CFTR: variants seen among roughly 807,000 people sequenced by gnomAD.
CFTR encodes cystic fibrosis transmembrane conductance regulator.
Under a neutral mutation model 171.6 loss-of-function variants are expected in CFTR, and 181 were observed. The ratio of observed to expected loss-of-function variants is 1.05; its 90% confidence interval spans 0.93 to 1.19. The LOEUF (loss-of-function observed/expected upper bound fraction) is 1.19, where lower values mean the gene tolerates loss of function less well. CFTR is among the 50% of genes most tolerant of loss of function. The pLI, the probability that CFTR is intolerant of heterozygous loss-of-function variation, is 0.00. For synonymous variants in CFTR, 583 were observed against 608.0 expected, an observed-to-expected ratio of 0.96 and a Z score of 0.60; for missense variants, 1,968 against 1,734.7, an observed-to-expected ratio of 1.13 and a Z score of -2.39.
At chr7:117,590,467 AT>A in intron 13 of CFTR, 28 bp downstream of exon 13, 1 of 1,588,466 alleles carries the variant, frequency 6.3e-7, no homozygotes, top group Non-Finnish European at 8.6e-7. Flanking sequence ...CTTACTTATA[AT>A]GCTCATGCTA....
At chr7:117,633,312 T>C (rs2116143435) in intron 22 of CFTR, among the ~76,000 whole-genome samples, 1 of 152,318 alleles carries the variant, frequency 6.6e-6, no homozygotes, top group South Asian at 2.1e-4. Context: ...TTCCAATTTT[T>C]CATTGCTGTT....
rs764945997 is a variant in CFTR at position 117,535,525 on chromosome 7, A to ATTT, written c.743+134_743+136dup. 4.2e-3 allele frequency: 2,088 copies of ATTT among 498,172 alleles called. 25 individuals are homozygous for ATTT. The highest frequency in any genetic ancestry group is 0.027 in the African/African-American group (1,075 of 40,008). 30.9% of individuals were successfully genotyped at this position (498,172 alleles called of 1,614,324 possible). On this transcript the variant is annotated intron_variant, in intron 6 of 26. Transcript: ENST00000003084. ...GAACAGTGATCTTCAGTGTCATTAA[A>ATTT]TTTTTTTTTTTTTTTTTTTTTTGAG...
chr7:117,586,849 C>T (rs1034139532), intron 11 of CFTR, among the ~76,000 whole-genome samples: 5 of 151,810 alleles, frequency 3.3e-5, no homozygotes, highest in East Asian at 1.9e-4. Context: ...CAAATCCCAT[C>T]GGTTTGAAAG....
chr7:117,536,487 T>G (rs1236238610), intron 6 of CFTR, 61 bp from the exon 7 acceptor site: 2 of 1,489,838 alleles, frequency 1.3e-6, no homozygotes, highest in African/African-American at 2.8e-5. Context: ...CAGTTCTTAA[T>G]AGATAATTTG....
intron 9 of CFTR, among the ~76,000 whole-genome samples, chr7:117,542,860 A>G (rs1202157149): frequency 6.6e-6 from 1 of 152,184 alleles, no homozygotes; most frequent in Non-Finnish European, 1.5e-5. Context: ...TCATCAGAGT[A>G]CCATGCACAC....
chr7:117,637,482 G>A (rs34263755), intron 22 of CFTR, among the ~76,000 whole-genome samples: 123 of 152,228 alleles, frequency 8.1e-4, no homozygotes, highest in African/African-American at 2.8e-3. Context: ...AGCGGGAGTT[G>A]AGTATTTCCC....
chr7:117,508,572 CCT>C (rs1798460043), intron 2 of CFTR, among the ~76,000 whole-genome samples: 3 of 152,166 alleles, frequency 2.0e-5, no homozygotes, highest in Non-Finnish European at 4.4e-5. Flanking sequence ...GAAAAAGCCA[CCT>C]GACATTTTAA....
chr7:117,647,875 A>G (rs1033839235), intron 23 of CFTR, among the ~76,000 whole-genome samples: 4 of 151,582 alleles, frequency 2.6e-5, no homozygotes, highest in Non-Finnish European at 5.9e-5. Flanking sequence ...ATTTGTTCAC[A>G]TTGAACAGAT....
At chr7:117,645,289 C>T (rs1792981771) in intron 23 of CFTR, among the ~76,000 whole-genome samples, 1 of 152,150 alleles carries the variant, frequency 6.6e-6, no homozygotes, top group Non-Finnish European at 1.5e-5. Flanking sequence ...TCTGTGGTTA[C>T]ATAAAAGATA....
chr7:117,559,614 T>C lies in CFTR; in HGVS notation c.1543T>C (p.Tyr515His), dbSNP rs778175128. 4 of 1,613,416 alleles carry C rather than the reference T, an allele frequency of 2.5e-6. No homozygotes were observed. Among genetic ancestry groups the C allele is most frequent in the Non-Finnish European group, 3.4e-6 (4 of 1,179,570 alleles). Residue 515 changes from tyrosine (Y) to histidine (H), a missense_variant, in exon 11 of 27, where the codon TAT (tyrosine) becomes CAT (histidine). Physicochemically the swap from Tyr to His is moderately conservative, Grantham distance 83. Coordinates refer to ENST00000003084, the MANE Select transcript of CFTR (RefSeq NM_000492.4). ...CATCTTTGGTGTTTCCTATGATGAA[T>C]ATAGATACAGAAGCGTCATCAAAGC... is the stretch of plus-strand genomic sequence containing the variant. ...NIIFGVSYDE[Y>H]RYRSVIKACQ...
In CFTR at chr7:117,530,955, C is replaced by A. The variant is rs397508537; in HGVS notation, c.330C>A (p.Asp110Glu). 15 of 1,613,752 alleles carry A rather than the reference C, an allele frequency of 9.3e-6. No individual in the cohort carries two copies. Among genetic ancestry groups the A allele is most frequent in the Non-Finnish European group, 1.3e-5 (15 of 1,179,828 alleles). ...LLLGRIIASY[D>E]PDNKEERSIA... Reference sequence around the variant, plus strand: ...TGGGAAGAATCATAGCTTCCTATGACCCGGATAACAAGGAGGAACGCTCTA... The same window carrying A: ...TGGGAAGAATCATAGCTTCCTATGAACCGGATAACAAGGAGGAACGCTCTA... The change falls in exon 4 of 27, where the codon GAC (aspartate) becomes GAA (glutamate). Residue 110 changes from aspartate to glutamate, a missense_variant. Physicochemically the swap from Asp to Glu is conservative, Grantham distance 45. Coordinates refer to ENST00000003084, the MANE Select transcript of CFTR (RefSeq NM_000492.4).
At chr7:117,666,130 G>C (rs1387182300) in intron 26 of CFTR, among the ~76,000 whole-genome samples, 1 of 152,134 alleles carries the variant, frequency 6.6e-6, no homozygotes, top group Non-Finnish European at 1.5e-5. Flanking sequence ...AGGCTGAGGT[G>C]GGGGGATTAC....
At chr7:117,553,078 A>C (rs1433195680) in intron 10 of CFTR, among the ~76,000 whole-genome samples, 1 of 152,176 alleles carries the variant, frequency 6.6e-6, no homozygotes, top group East Asian at 1.9e-4. Flanking sequence ...ACAGCTGGCT[A>C]TCCAGGATTC....
intron 23 of CFTR, among the ~76,000 whole-genome samples, chr7:117,646,253 A>G (rs1002167431): frequency 2.0e-5 from 3 of 152,142 alleles, no homozygotes; most frequent in Non-Finnish European, 4.4e-5. Context: ...GGTTGTTATT[A>G]TTTTTTATAG....
Position 117,592,088 on chromosome 7 carries a change from A to C in CFTR, c.1921A>C (p.Ser641Arg). Residue 641 changes from serine to arginine, a missense_variant, in exon 14 of 27, where the codon AGC (serine) becomes CGC (arginine). Coordinates refer to ENST00000003084, the MANE Select transcript of CFTR (RefSeq NM_000492.4). The stretch of plus-strand genomic sequence containing the variant: ...ACTCCAAAATCTACAGCCAGACTTT[A>C]GCTCAAAACTCATGGGATGTGATTC... ...SELQNLQPDF[S>R]SKLMGCDSFD... is the part of the protein sequence containing the mutation. 1 of 1,613,550 alleles carries C rather than the reference A, an allele frequency of 6.2e-7. No individual in the cohort carries two copies. The highest frequency in any genetic ancestry group is 8.5e-7 in the Non-Finnish European group (1 of 1,179,776).
intron 11 of CFTR, among the ~76,000 whole-genome samples, chr7:117,565,285 A>G (rs1791581389): frequency 6.6e-6 from 1 of 152,230 alleles, no homozygotes; most frequent in South Asian, 2.1e-4. Context: ...TTATGAGATT[A>G]TAATTGTATT....
rs117975363 is a variant in CFTR at position 117,549,650 on chromosome 7, A to G, written c.1392+827A>G. On this transcript the variant is annotated intron_variant, in intron 10 of 26. Transcript: ENST00000003084. ...CAATAGGTATTTGCTTCAGAAGTCT[A>G]TAAAATGGTTCCTTGTTCCCATTTG... Among the ~76,000 whole-genome samples the G allele has an allele frequency of 5.8e-3, 891 of 152,356 alleles. 5 individuals are homozygous for G. The highest frequency in any genetic ancestry group is 0.01 in the Non-Finnish European group (687 of 68,038).
chr7:117,645,393 G>A (rs1242110665), intron 23 of CFTR, among the ~76,000 whole-genome samples: 3 of 152,256 alleles, frequency 2.0e-5, no homozygotes, highest in Admixed American at 2.0e-4. Context: ...ATTGTCATAA[G>A]TCAGAGATCA....
chr7:117,592,387 A>G lies in CFTR; in HGVS notation c.2220A>G (p.Pro740=), dbSNP rs1792044298. The change falls in exon 14 of 27, where the codon CCA becomes CCG. Residue 740 remains proline (P), a synonymous_variant. Transcript: ENST00000003084. ...TAGAGAGAAGGCTGTCCTTAGTACC[A>G]GATTCTGAGCAGGGAGAGGCGATAC... The part of the protein sequence containing the change: ...EPLERRLSLV[P]DSEQGEAILP... The G allele has an allele frequency of 1.2e-6, 2 of 1,614,010 alleles. No homozygotes were observed. The highest frequency in any genetic ancestry group is 2.7e-5 in the African/African-American group (2 of 74,932).
Sources: gnomAD v4.1 joint callset for allele counts (sites outside exome capture counted in the v4.1 genomes callset) on GRCh38, gnomAD v4.1.1 for gene constraint, MANE v1.5 for transcripts, NCBI Gene and HGNC (gene_info 2026-07-23, HGNC 2026-07-21) for gene names.